Variants in INPP5B observed in about 807,000 individuals in gnomAD.
The protein encoded by INPP5B is type II inositol 1,4,5-trisphosphate 5-phosphatase.
INPP5B carries 90 observed loss-of-function variants against 118.5 expected under a neutral mutation model. The observed-to-expected ratio is 0.76, with a 90% CI of 0.64 to 0.90. The LOEUF (loss-of-function observed/expected upper bound fraction) is 0.90, where lower values mean the gene tolerates loss of function less well. Ranked by LOEUF, INPP5B falls within the 40% of genes least tolerant of loss-of-function variation. The pLI, the probability that INPP5B is intolerant of heterozygous loss-of-function variation, is 0.00. For synonymous variants in INPP5B, 385 were observed against 418.9 expected (o/e 0.92, Z 0.99); for missense variants, 984 against 1,125.6 (o/e 0.87, Z 1.80).
chr1:37,868,719 C>T (rs1217255324), intron 19 of INPP5B, 105 bp from the exon 20 acceptor site: 6 of 721,988 alleles, frequency 8.3e-6, no homozygotes, highest in Non-Finnish European at 1.5e-5. Flanking sequence ...CATTCCACTG[C>T]CCCTAACCAC....
At chr1:37,888,566 C>T (rs1643668382) in intron 9 of INPP5B, among the ~76,000 whole-genome samples, 1 of 152,154 alleles carries the variant, frequency 6.6e-6, no homozygotes, top group South Asian at 2.1e-4. Flanking sequence ...ATAGTATAGG[C>T]CTACTCCGAA....
chr1:37,883,957 G>T, intron 13 of INPP5B: 1 of 622,022 alleles, frequency 1.6e-6, no homozygotes, highest in Non-Finnish European at 2.0e-6. Flanking sequence ...AGATAAATGA[G>T]ATAAAGTAAA....
intron 7 of INPP5B, among the ~76,000 whole-genome samples, chr1:37,897,446 G>A (rs972470034): frequency 6.6e-6 from 1 of 151,736 alleles, no homozygotes; most frequent in Non-Finnish European, 1.5e-5. Flanking sequence ...CCAACCCTGT[G>A]CTCTCTGAAA....
chr1:37,946,408 G>A lies in INPP5B; in HGVS notation c.-26-74C>T, dbSNP rs1453115756. 4 of 1,048,302 alleles carry A rather than the reference G, an allele frequency of 3.8e-6. No individual in the cohort carries two copies. The African/African-American group carries it at 6.3e-5, about 16-fold the overall frequency. The allele number at this position is 1,048,302 out of a possible 1,614,324, so 64.9% of individuals were successfully genotyped here. On this transcript the variant is annotated intron_variant, in intron 1 of 23. Coordinates refer to ENST00000373024, the MANE Select transcript of INPP5B (RefSeq NM_005540.3). ...GGGGTGGTGGAGCTGCCTCAGAGGG[G>A]TTGGGGGCAGGAGGGAGGGGCCTTT...
At chr1:37,881,896 G>A (rs370045903) in intron 14 of INPP5B, among the ~76,000 whole-genome samples, 3 of 152,106 alleles carry the variant, frequency 2.0e-5, no homozygotes, top group Non-Finnish European at 2.9e-5. Flanking sequence ...TCAGGAGTTC[G>A]AGACCAGCCT....
chr1:37,887,411 C>T lies in INPP5B; in HGVS notation c.954G>A (p.Lys318=). 6.2e-7 allele frequency: 1 copy of T among 1,613,862 alleles called. No homozygotes were observed. Among genetic ancestry groups the T allele is most frequent in the Non-Finnish European group, 8.5e-7 (1 of 1,179,866 alleles). Residue 318 remains lysine (K), a synonymous_variant, in exon 11 of 24, where the codon AAG becomes AAA. Coordinates refer to ENST00000373024, the MANE Select transcript of INPP5B (RefSeq NM_005540.3). ...ACACAGCTTTGAACCACTCTTCCTCCTTTGGGGTATCGTGAAAGAAAAAAG... is the reference window on the plus strand; with the variant it reads ...ACACAGCTTTGAACCACTCTTCCTCTTTTGGGGTATCGTGAAAGAAAAAAG... The part of the protein sequence containing the change: ...KEAFFFHDTP[K]EEEWFKAVSE...
At chr1:37,863,714 CACAA>C (rs1641849257) in intron 23 of INPP5B, among the ~76,000 whole-genome samples, 2 of 151,532 alleles carry the variant, frequency 1.3e-5, no homozygotes, top group Admixed American at 6.6e-5. Flanking sequence ...CACATGCACA[CACAA>C]ACACACACGC....
At chr1:37,893,085 CTT>C (rs71053999) in intron 7 of INPP5B, among the ~76,000 whole-genome samples, 10 of 81,420 alleles carry the variant, frequency 1.2e-4, no homozygotes, top group African/African-American at 5.4e-4. Context: ...TTTTCTTTTT[CTT>C]TTTTTTTTTT....
intron 7 of INPP5B, among the ~76,000 whole-genome samples, chr1:37,912,925 C>T (rs1644747618): frequency 1.4e-5 from 2 of 146,610 alleles, no homozygotes; most frequent in Admixed American, 1.4e-4. Context: ...TCTAAAATCA[C>T]AGAGGCCTCG....
intron 6 of INPP5B, among the ~76,000 whole-genome samples, chr1:37,932,322 T>C (rs535275642): frequency 6.6e-6 from 1 of 152,182 alleles, no homozygotes; most frequent in East Asian, 1.9e-4. Flanking sequence ...AACACACCTT[T>C]TATGAGGGAG....
chr1:37,892,280 G>C (rs1249366934), intron 7 of INPP5B, among the ~76,000 whole-genome samples: 29 of 152,130 alleles, frequency 1.9e-4, no homozygotes, highest in Admixed American at 1.9e-3. Flanking sequence ...GAAAGGCAAG[G>C]GTCAGAGATT....
intron 16 of INPP5B, 112 bp from the exon 17 acceptor site, chr1:37,875,828 A>C (rs2148475201): frequency 1.4e-6 from 1 of 699,642 alleles, no homozygotes; most frequent in Non-Finnish European, 2.5e-6. Context: ...AACACAGAAA[A>C]CAAAGGCTAT....
At chr1:37,866,118 A>G (rs1256172515) in intron 21 of INPP5B, among the ~76,000 whole-genome samples, 1 of 152,102 alleles carries the variant, frequency 6.6e-6, no homozygotes, top group African/African-American at 2.4e-5. Context: ...CCTGGGCAAC[A>G]TGGCGAAACC....
At chr1:37,926,521 A>T (rs1392310705) in intron 7 of INPP5B, among the ~76,000 whole-genome samples, 1 of 152,162 alleles carries the variant, frequency 6.6e-6, no homozygotes, top group East Asian at 1.9e-4. Flanking sequence ...TGACCTTGTG[A>T]TCCGCCCACC....
At chr1:37,931,726 T>C (rs200805037) in intron 7 of INPP5B, 187 bp downstream of exon 7, 87 of 1,567,590 alleles carry the variant, frequency 5.5e-5, no homozygotes, top group Non-Finnish European at 7.1e-5. Flanking sequence ...CCTGCCTGCT[T>C]CCTCAAGCTC....
intron 6 of INPP5B, among the ~76,000 whole-genome samples, chr1:37,933,848 T>C (rs1167195739): frequency 6.6e-6 from 1 of 151,196 alleles, no homozygotes; most frequent in Non-Finnish European, 1.5e-5. Context: ...TCCGAGGGCT[T>C]TGGCATCAGA....
intron 6 of INPP5B, among the ~76,000 whole-genome samples, chr1:37,935,260 C>T (rs1383738187): frequency 2.8e-5 from 4 of 140,866 alleles, no homozygotes; most frequent in Admixed American, 7.1e-5. Context: ...GGCACGATCT[C>T]GGCTCACTGC....
At chr1:37,927,018 G>T (rs974613745) in intron 7 of INPP5B, among the ~76,000 whole-genome samples, 2 of 152,194 alleles carry the variant, frequency 1.3e-5, no homozygotes, top group Non-Finnish European at 2.9e-5. Context: ...GCCAGGCGCG[G>T]TGGCTCACGC....
chr1:37,935,198 C>T (rs1339142071), intron 6 of INPP5B, among the ~76,000 whole-genome samples: 1 of 119,610 alleles, frequency 8.4e-6, no homozygotes, highest in Non-Finnish European at 1.8e-5. Context: ...CAGACTCCAT[C>T]TCAAAAAAAA....
Sources: allele counts gnomAD v4.1 joint callset (sites outside exome capture counted in the v4.1 genomes callset), GRCh38; gene constraint gnomAD v4.1.1; transcripts MANE v1.5; gene names NCBI Gene and HGNC (gene_info 2026-07-23, HGNC 2026-07-21).